SPP2: variants seen among roughly 807,000 people sequenced by gnomAD.
SPP2 encodes secreted phosphoprotein 24.
Under a neutral mutation model 28.8 loss-of-function variants are expected in SPP2, and 34 were observed. That is an observed-to-expected ratio of 1.18 (90% CI 0.90 to 1.57). SPP2 has a LOEUF of 1.57. Ranked by LOEUF, SPP2 falls within the 40% of genes most tolerant of loss-of-function variation. The probability of loss-of-function intolerance (pLI) is 0.00; values close to 1 mark genes in which losing one functional copy is unlikely to be tolerated. For missense variants in SPP2, 269 were observed against 263.9 expected, an observed-to-expected ratio of 1.02 and a Z score of -0.13; for synonymous variants, 96 against 89.4, an observed-to-expected ratio of 1.07 and a Z score of -0.42.
rs199884052 is a variant in SPP2 at position 234,050,771 on chromosome 2, T to A, written c.-16T>A. The A allele has an allele frequency of 5.0e-6, 8 of 1,611,638 alleles. No individual in the cohort carries two copies. The Middle Eastern group carries it at 5.0e-4, about 100-fold the overall frequency. ...CAAACACATAGAGAGACACTCTCTGTCTCTCGATTACAATCATGATTTCCA... is the reference window on the plus strand; with the variant it reads ...CAAACACATAGAGAGACACTCTCTGACTCTCGATTACAATCATGATTTCCA... On this transcript the variant is annotated 5_prime_UTR_variant, in exon 1 of 8. Transcript: ENST00000168148.
chr2:234,054,251 G>A (rs535469070), intron 2 of SPP2, among the ~76,000 whole-genome samples: 2 of 152,314 alleles, frequency 1.3e-5, no homozygotes, highest in East Asian at 3.9e-4. Flanking sequence ...AGAGAAAGGT[G>A]GGAGTGGAGA....
chr2:234,061,930 G>A (rs1693727147), intron 4 of SPP2, among the ~76,000 whole-genome samples: 1 of 152,194 alleles, frequency 6.6e-6, no homozygotes, highest in African/African-American at 2.4e-5. Context: ...GCTGGGGCGA[G>A]TACCATGGGC....
chr2:234,072,393 C>CT lies in SPP2; in HGVS notation c.*10+2380dup, dbSNP rs567600586. Among the ~76,000 whole-genome samples the CT allele has an allele frequency of 3.3e-4, 50 of 150,060 alleles. 2 individuals carry two copies. In the South Asian group the frequency reaches 6.1e-3, roughly 18 times the overall value. On this transcript the variant is annotated intron_variant, in intron 7 of 7. Coordinates refer to ENST00000168148, the MANE Select transcript of SPP2 (RefSeq NM_006944.3). ...CCTTTTTTATAAATGTAAATGATATCTTTTTTTTTTCTTTACAGAACATCA... is the reference window on the plus strand; with the variant it reads ...CCTTTTTTATAAATGTAAATGATATCTTTTTTTTTTTCTTTACAGAACATCA...
At position 234,068,702 on chromosome 2, in the gene SPP2, C is replaced by CTT. The variant is rs35373190; in HGVS notation, c.551-1210_551-1209dup. 7.4e-3 allele frequency among the ~76,000 whole-genome samples: 948 copies of CTT among 128,406 alleles called. 12 individuals are homozygous for CTT. Among genetic ancestry groups the CTT allele is most frequent in the African/African-American group, 0.026 (909 of 34,732 alleles). The allele number at this position is 128,406 out of a possible 152,430, so 84.2% of individuals were successfully genotyped here. The stretch of plus-strand genomic sequence containing the variant: ...TTAGAATTGCCTTCAGAATCCATGG[C>CTT]TTTTTTTTTTTTTTTTTAAATCTCC... On this transcript the variant is annotated intron_variant, in intron 6 of 7. Coordinates refer to ENST00000168148, the MANE Select transcript of SPP2 (RefSeq NM_006944.3).
intron 3 of SPP2, among the ~76,000 whole-genome samples, chr2:234,059,534 G>A (rs536327545): frequency 6.6e-5 from 10 of 152,104 alleles, no homozygotes; most frequent in East Asian, 1.9e-4. Flanking sequence ...CCAGTTTCTC[G>A]GAAAAACAAA....
chr2:234,067,634 G>A (rs906605977), intron 6 of SPP2, among the ~76,000 whole-genome samples: 10 of 152,018 alleles, frequency 6.6e-5, no homozygotes, highest in Admixed American at 2.0e-4. Context: ...CAAATTAGCC[G>A]GGCGTAGTGG....
intron 2 of SPP2, among the ~76,000 whole-genome samples, chr2:234,054,634 A>G (rs1366434807): frequency 1.3e-5 from 2 of 152,190 alleles, no homozygotes; most frequent in Non-Finnish European, 2.9e-5. Flanking sequence ...AATCCCACTT[A>G]TAAGTGCTCT....
chr2:234,062,997 T>C (rs1435363707), intron 4 of SPP2, among the ~76,000 whole-genome samples: 1 of 152,212 alleles, frequency 6.6e-6, no homozygotes, highest in Non-Finnish European at 1.5e-5. Context: ...CATAAACATT[T>C]TTGAGCAAAT....
intron 7 of SPP2, among the ~76,000 whole-genome samples, 182 bp from the exon 8 acceptor site, chr2:234,076,663 T>G (rs768129730): frequency 1.3e-5 from 2 of 152,126 alleles, no homozygotes; most frequent in Non-Finnish European, 2.9e-5. Context: ...TTGCTTTTGC[T>G]TGGTTCCTTC....
At chr2:234,071,139 C>T (rs1413921893) in intron 7 of SPP2, among the ~76,000 whole-genome samples, 1 of 152,182 alleles carries the variant, frequency 6.6e-6, no homozygotes, top group African/African-American at 2.4e-5. Flanking sequence ...TTATTCATTT[C>T]ACCCCCACAT....
In SPP2 at chr2:234,050,803, A is replaced by G. The variant is rs961916943; in HGVS notation, c.17A>G (p.Glu6Gly). Residue 6 changes from glutamate to glycine, a missense_variant, in exon 1 of 8, where the codon GAG becomes GGG. Physicochemically the swap from Glu to Gly is moderately conservative, Grantham distance 98 (BLOSUM62 -2). Coordinates refer to ENST00000168148, the MANE Select transcript of SPP2 (RefSeq NM_006944.3). MISRM[E>G]KMTMMMKILI... ...ATTACAATCATGATTTCCAGAATGGAGAAGATGACGATGATGATGAAGATA... is the reference window on the plus strand; with the variant it reads ...ATTACAATCATGATTTCCAGAATGGGGAAGATGACGATGATGATGAAGATA... 6.2e-7 allele frequency: 1 copy of G among 1,613,970 alleles called. No homozygotes were observed.
At chr2:234,074,754 G>T (rs1217136243) in intron 7 of SPP2, among the ~76,000 whole-genome samples, 1 of 152,092 alleles carries the variant, frequency 6.6e-6, no homozygotes, top group Non-Finnish European at 1.5e-5. Flanking sequence ...TTCCTCAACT[G>T]ATTAGTCTAT....
chr2:234,072,426 T>C (rs1574837345), intron 7 of SPP2, among the ~76,000 whole-genome samples: 3 of 152,320 alleles, frequency 2.0e-5, no homozygotes, highest in African/African-American at 7.2e-5. Flanking sequence ...TCATGGGTTA[T>C]GGGCAGGGAG....
chr2:234,053,363 G>T (rs1038997153), intron 2 of SPP2, among the ~76,000 whole-genome samples: 7 of 152,198 alleles, frequency 4.6e-5, no homozygotes, highest in Non-Finnish European at 8.8e-5. Flanking sequence ...TTAGTCATGA[G>T]TATTTGGGGG....
At position 234,055,769 on chromosome 2, in the gene SPP2, A is replaced by G. The variant is rs186626574; in HGVS notation, c.211-3067A>G. On this transcript the variant is annotated intron_variant, in intron 2 of 7. Coordinates refer to ENST00000168148, the MANE Select transcript of SPP2 (RefSeq NM_006944.3). Reference sequence around the variant, plus strand: ...GTATACAATGTATTTTTAAAGAAAAATAGGACAATACTGTAATACTGATTG... The same window carrying G: ...GTATACAATGTATTTTTAAAGAAAAGTAGGACAATACTGTAATACTGATTG... Among the ~76,000 whole-genome samples the G allele has an allele frequency of 2.1e-3, 320 of 152,258 alleles. 2 individuals are homozygous for G. The highest frequency in any genetic ancestry group is 7.2e-3 in the African/African-American group (299 of 41,562).
chr2:234,067,296 G>C, intron 6 of SPP2, 22 bp downstream of exon 6: 3 of 1,613,092 alleles, frequency 1.9e-6, no homozygotes, highest in Non-Finnish European at 2.5e-6. Context: ...CTTTCCTGCT[G>C]TGCCACCAGA....
intron 7 of SPP2, among the ~76,000 whole-genome samples, chr2:234,075,598 T>C (rs1690880461): frequency 6.6e-6 from 1 of 152,190 alleles, no homozygotes; most frequent in East Asian, 1.9e-4. Context: ...GGCTTCTTCC[T>C]GCTGCCCCTG....
intron 7 of SPP2, among the ~76,000 whole-genome samples, chr2:234,070,754 G>A (rs1336189876): frequency 1.3e-5 from 2 of 152,150 alleles, no homozygotes; most frequent in African/African-American, 4.8e-5. Context: ...GAGCCACCAC[G>A]CCTGGCCGAC....
chr2:234,073,499 T>C lies in SPP2; in HGVS notation c.*11-3346T>C, dbSNP rs28904012. 1.3e-3 allele frequency among the ~76,000 whole-genome samples: 191 copies of C among 152,326 alleles called. 1 individual carries two copies. The highest frequency in any genetic ancestry group is 4.4e-3 in the African/African-American group (181 of 41,562). On this transcript the variant is annotated intron_variant, in intron 7 of 7. Transcript: ENST00000168148. ...GCCCTAAACACTGTTCTAGGACTCT[T>C]TCATGTTGCCAGAAAATGATTTAAT...
Sources: gnomAD v4.1 joint callset for allele counts (sites outside exome capture counted in the v4.1 genomes callset) on GRCh38, gnomAD v4.1.1 for gene constraint, MANE v1.5 for transcripts, NCBI Gene and HGNC (gene_info 2026-07-23, HGNC 2026-07-21) for gene names.